Variants in BRINP3 observed in about 807,000 individuals in gnomAD.
BRINP3 encodes BMP/retinoic acid inducible neural specific 3.
BRINP3 carries 19 observed loss-of-function variants against 71.0 expected under a neutral mutation model. The observed-to-expected ratio is 0.27, with a 90% CI of 0.19 to 0.39. The LOEUF (loss-of-function observed/expected upper bound fraction) is 0.39. Among genes scored for constraint, BRINP3 ranks in the 10% least tolerant of loss-of-function variants. The pLI is 1.00. For missense variants in BRINP3, 959 were observed against 940.8 expected (o/e 1.02, Z -0.25); for synonymous variants, 380 against 337.7 (o/e 1.13, Z -1.37).
rs187326778 is a variant in BRINP3 at position 190,465,845 on chromosome 1, T to C, written c.-50-10905A>G. Among the ~76,000 whole-genome samples, 261 of 151,888 alleles carry C rather than the reference T, an allele frequency of 1.7e-3. 3 individuals carry two copies. The highest frequency in any genetic ancestry group is 2.3e-3 in the South Asian group (11 of 4,820). ...CAGAAAATGTATGACAATTAATATG[T>C]TTTACTACCAAAACAGTAAAACAGA... On this transcript the variant is annotated intron_variant, in intron 1 of 7. Transcript: ENST00000367462.
chr1:190,222,736 T>C (rs1008572420), intron 6 of BRINP3, among the ~76,000 whole-genome samples: 2 of 151,258 alleles, frequency 1.3e-5, no homozygotes. Flanking sequence ...ATAAGATCAA[T>C]GATAGAAAAA....
At chr1:190,402,800 T>G (rs1258160534) in intron 2 of BRINP3, among the ~76,000 whole-genome samples, 2 of 152,172 alleles carry the variant, frequency 1.3e-5, no homozygotes, top group Non-Finnish European at 2.9e-5. Flanking sequence ...GGTGCCATCA[T>G]GGCTCCCTGC....
At chr1:190,451,691 A>G (rs1675617121) in intron 2 of BRINP3, among the ~76,000 whole-genome samples, 1 of 152,168 alleles carries the variant, frequency 6.6e-6, no homozygotes, top group Admixed American at 6.5e-5. Flanking sequence ...ATAACTTTAA[A>G]TATACACAAG....
chr1:190,292,098 G>C (rs1663914334), intron 2 of BRINP3, among the ~76,000 whole-genome samples: 1 of 152,052 alleles, frequency 6.6e-6, no homozygotes, highest in Non-Finnish European at 1.5e-5. Flanking sequence ...TGAAAAAGTT[G>C]ATCCCATAAA....
chr1:190,243,762 G>A (rs1659331304), intron 4 of BRINP3, among the ~76,000 whole-genome samples: 1 of 152,030 alleles, frequency 6.6e-6, no homozygotes, highest in South Asian at 2.1e-4. Flanking sequence ...CTTTTCCTGG[G>A]CCAGAGAAAT....
At chr1:190,208,844 A>G (rs1655742347) in intron 6 of BRINP3, among the ~76,000 whole-genome samples, 1 of 152,076 alleles carries the variant, frequency 6.6e-6, no homozygotes, top group Non-Finnish European at 1.5e-5. Flanking sequence ...ATTACTTAAT[A>G]TATCTATTGT....
intron 2 of BRINP3, among the ~76,000 whole-genome samples, chr1:190,442,097 A>T (rs1243583004): frequency 6.6e-6 from 1 of 152,194 alleles, no homozygotes; most frequent in Non-Finnish European, 1.5e-5. Flanking sequence ...AAAAAGGATT[A>T]TAGTCTGTTA....
rs554988721 is a variant in BRINP3, at chr1:190,194,363, A to C, written c.961+31719T>G. ...AATTGTGAAAAAATATTTTTTTTCA[A>C]GCAACCAACTTTGTGACAATTTTTA... On this transcript the variant is annotated intron_variant, in intron 6 of 7. Transcript: ENST00000367462. Among the ~76,000 whole-genome samples the C allele has an allele frequency of 2.6e-5, 4 of 152,232 alleles. No individual in the cohort carries two copies. The South Asian group carries it at 8.3e-4, about 32-fold the overall frequency.
chr1:190,360,484 T>A (rs1266821703), intron 2 of BRINP3, among the ~76,000 whole-genome samples: 2 of 152,176 alleles, frequency 1.3e-5, no homozygotes, highest in Non-Finnish European at 2.9e-5. Flanking sequence ...GTTCTATAAA[T>A]CATATCTAAG....
At chr1:190,239,130 C>G (rs540584303) in intron 4 of BRINP3, among the ~76,000 whole-genome samples, 2 of 152,032 alleles carry the variant, frequency 1.3e-5, no homozygotes, top group Non-Finnish European at 2.9e-5. Context: ...TGGGGGAAAC[C>G]ACACCCATGA....
At chr1:190,193,682 G>T (rs1345898357) in intron 6 of BRINP3, among the ~76,000 whole-genome samples, 2 of 152,006 alleles carry the variant, frequency 1.3e-5, no homozygotes, top group Non-Finnish European at 2.9e-5. Flanking sequence ...ATAAACTCCT[G>T]ACCTCCCTTT....
chr1:190,322,533 G>A (rs1416239474), intron 2 of BRINP3, among the ~76,000 whole-genome samples: 3 of 151,920 alleles, frequency 2.0e-5, no homozygotes, highest in African/African-American at 2.4e-5. Flanking sequence ...GCTGAGAAAC[G>A]GGAATATCCT....
At chr1:190,437,728 G>GTT (rs1674558316) in intron 2 of BRINP3, among the ~76,000 whole-genome samples, 1 of 151,586 alleles carries the variant, frequency 6.6e-6, no homozygotes, top group Non-Finnish European at 1.5e-5. Context: ...CTTTGAAAAT[G>GTT]TTTAATGACT....
At chr1:190,203,856 T>C (rs1655259176) in intron 6 of BRINP3, among the ~76,000 whole-genome samples, 1 of 139,566 alleles carries the variant, frequency 7.2e-6, no homozygotes, top group South Asian at 2.3e-4. Flanking sequence ...TCTATTGTGT[T>C]ATTATTGCAT....
chr1:190,392,778 G>A (rs1183318090), intron 2 of BRINP3, among the ~76,000 whole-genome samples: 1 of 151,336 alleles, frequency 6.6e-6, no homozygotes, highest in Non-Finnish European at 1.5e-5. Flanking sequence ...ACTGTAAGGG[G>A]AAAAAAATCT....
At chr1:190,107,690 T>C (rs978723083) in intron 7 of BRINP3, among the ~76,000 whole-genome samples, 9 of 151,946 alleles carry the variant, frequency 5.9e-5, no homozygotes, top group Non-Finnish European at 1.3e-4. Flanking sequence ...AAGAAGAAAA[T>C]GTATATTGTT....
intron 4 of BRINP3, among the ~76,000 whole-genome samples, chr1:190,237,937 T>A (rs1407691109): frequency 6.6e-6 from 1 of 152,018 alleles, no homozygotes; most frequent in Non-Finnish European, 1.5e-5. Flanking sequence ...TCTGGACAAC[T>A]ACAAAATGAA....
intron 5 of BRINP3, among the ~76,000 whole-genome samples, chr1:190,231,076 G>A (rs1657937952): frequency 6.6e-6 from 1 of 151,368 alleles, no homozygotes; most frequent in African/African-American, 2.4e-5. Context: ...TATGTAATAT[G>A]CAGTTCAATA....
chr1:190,474,719 A>G (rs1677381605), intron 1 of BRINP3: 1 of 152,184 alleles, frequency 6.6e-6, no homozygotes. Flanking sequence ...TTCCTTCTCT[A>G]AAGGGCTGAT....
Sources: gnomAD v4.1 joint callset for allele counts (sites outside exome capture counted in the v4.1 genomes callset) on GRCh38, gnomAD v4.1.1 for gene constraint, MANE v1.5 for transcripts, NCBI Gene and HGNC (gene_info 2026-07-23, HGNC 2026-07-21) for gene names.